The following RGS6 variants were observed in gnomAD, a reference collection of about 807,000 sequenced individuals.
RGS6 encodes the protein regulator of G-protein signaling 6.
RGS6 carries 30 observed loss-of-function variants against 78.5 expected under a neutral mutation model. The observed-to-expected ratio is 0.38, with a 90% CI of 0.29 to 0.52. The LOEUF is 0.52. RGS6 is among the 20% of genes least tolerant of loss of function. The pLI, the probability that RGS6 is intolerant of heterozygous loss-of-function variation, is 0.85. For synonymous variants in RGS6, 206 were observed against 206.0 expected (o/e 1.00, Z 0.00); for missense variants, 495 against 609.7 (o/e 0.81, Z 1.98).
the RGS6 span, among the ~76,000 whole-genome samples, chr14:71,897,632 T>C: frequency 6.6e-6 from 1 of 152,160 alleles, no homozygotes; most frequent in African/African-American, 2.4e-5. Context: ...GTGATTTTCC[T>C]GCCTTAGCCT....
At chr14:72,117,781 A>G (rs2095938440) in intron 2 of RGS6, among the ~76,000 whole-genome samples, 1 of 152,150 alleles carries the variant, frequency 6.6e-6, no homozygotes. Context: ...TAAAAGGACC[A>G]CGCTGGCTAC....
intron 2 of RGS6, among the ~76,000 whole-genome samples, chr14:72,245,654 T>A: frequency 6.6e-6 from 1 of 152,252 alleles, no homozygotes; most frequent in East Asian, 1.9e-4. Flanking sequence ...TTGGGCGTTA[T>A]GGTCATTATG....
intron 2 of RGS6, among the ~76,000 whole-genome samples, chr14:72,209,264 TTTAGTA>T (rs1466233557): frequency 6.6e-6 from 1 of 152,136 alleles, no homozygotes; most frequent in Non-Finnish European, 1.5e-5. Flanking sequence ...TATGCGTACG[TTTAGTA>T]TCTAACAAGA....
At chr14:71,896,630 C>A in the RGS6 span, among the ~76,000 whole-genome samples, 1 of 152,190 alleles carries the variant, frequency 6.6e-6, no homozygotes, top group African/African-American at 2.4e-5. Flanking sequence ...TTTTACCCAG[C>A]CCCTATTCAA....
chr14:72,515,906 AG>A (rs894870362), intron 14 of RGS6: 5 of 152,316 alleles, frequency 3.3e-5, no homozygotes, highest in African/African-American at 1.2e-4. Flanking sequence ...GCATTGATTG[AG>A]GGGGCAGGAA....
intron 2 of RGS6, among the ~76,000 whole-genome samples, chr14:72,271,920 C>CT (rs35019998): frequency 0.15 from 20,185 of 132,740 alleles, 1,655 homozygotes; most frequent in East Asian, 0.3. Context: ...CACAGCATCA[C>CT]TTTTTTTTTT....
chr14:72,612,993 C>CGTGTGTGTGTGTGTGT, the RGS6 span, among the ~76,000 whole-genome samples: 10 of 148,954 alleles, frequency 6.7e-5, no homozygotes, highest in East Asian at 4.1e-4. Context: ...TTAAGTAGGG[C>CGTGTGTGTGTGTGTGT]GTGTGTGTGT....
At chr14:72,336,527 G>GC (rs2076059633) in intron 2 of RGS6, among the ~76,000 whole-genome samples, 1 of 152,116 alleles carries the variant, frequency 6.6e-6, no homozygotes, top group Non-Finnish European at 1.5e-5. Context: ...GAGAGAGAGA[G>GC]AGAGAGAGCG....
chr14:71,892,037 G>A, the RGS6 span, among the ~76,000 whole-genome samples: 20 of 152,210 alleles, frequency 1.3e-4, no homozygotes, highest in Non-Finnish European at 2.8e-4. Context: ...CTCTGAAATA[G>A]CTTTCACATG....
the RGS6 span, among the ~76,000 whole-genome samples, chr14:72,582,639 A>T: frequency 6.6e-6 from 1 of 152,140 alleles, no homozygotes; most frequent in East Asian, 1.9e-4. Context: ...TTCCACCCAG[A>T]CCCATACAAT....
intron 1 of RGS6, among the ~76,000 whole-genome samples, chr14:71,948,738 C>CTA (rs766352167): frequency 1.3e-5 from 1 of 75,238 alleles, no homozygotes; most frequent in Admixed American, 1.6e-4. Flanking sequence ...CTCTCTCTCT[C>CTA]TCTTTTTTTT....
chr14:72,459,968 G>A (rs537805757), intron 6 of RGS6, among the ~76,000 whole-genome samples: 1 of 152,274 alleles, frequency 6.6e-6, no homozygotes, highest in African/African-American at 2.4e-5. Flanking sequence ...GGAGAACCAG[G>A]ATCCCACAGC....
At chr14:72,258,161 C>G (rs2153874164) in intron 2 of RGS6, among the ~76,000 whole-genome samples, 1 of 152,314 alleles carries the variant, frequency 6.6e-6, no homozygotes, top group South Asian at 2.1e-4. Context: ...ACTCATAAAA[C>G]TGCACAATGG....
chr14:72,154,398 C>G (rs2096740347), intron 2 of RGS6, among the ~76,000 whole-genome samples: 2 of 152,138 alleles, frequency 1.3e-5, no homozygotes, highest in African/African-American at 4.8e-5. Context: ...AAAGTAAAGA[C>G]AGGTATGAAT....
rs60173809 is a variant in RGS6, at chr14:72,320,449, G to A, written c.85-31646G>A. ...AAAAATTAGCTGGGCGTGGTGGCGG[G>A]CACCTGTAGTCCCAGCTACTTGGGA... On this transcript the variant is annotated intron_variant, in intron 2 of 17. Transcript: ENST00000553525. Among the ~76,000 whole-genome samples the A allele has an allele frequency of 5.3e-5, 8 of 152,100 alleles. No individual in the cohort carries two copies. In the East Asian group the frequency reaches 1.4e-3, roughly 26 times the overall value.
intron 3 of RGS6, among the ~76,000 whole-genome samples, chr14:72,436,337 T>C (rs373548333): frequency 2.2e-4 from 34 of 152,252 alleles, no homozygotes; most frequent in East Asian, 1.2e-3. Flanking sequence ...CTCTTCTTAA[T>C]AAACTGCAAG....
chr14:72,471,962 T>C (rs543117657), intron 8 of RGS6, among the ~76,000 whole-genome samples: 1 of 152,224 alleles, frequency 6.6e-6, no homozygotes, highest in Non-Finnish European at 1.5e-5. Context: ...ATTTCTCGAT[T>C]AACTTTTTTG....
chr14:72,624,635 G>A, the RGS6 span, among the ~76,000 whole-genome samples: 11 of 152,090 alleles, frequency 7.2e-5, no homozygotes, highest in East Asian at 1.2e-3. Flanking sequence ...CACCACGCCC[G>A]GCCCCCAACC....
At chr14:72,146,270 C>G (rs933504818) in intron 2 of RGS6, among the ~76,000 whole-genome samples, 2 of 152,342 alleles carry the variant, frequency 1.3e-5, no homozygotes, top group Non-Finnish European at 2.9e-5. Context: ...CCTCTCAACA[C>G]TCTTGCATTG....
Sources: gnomAD v4.1 joint callset for allele counts (sites outside exome capture counted in the v4.1 genomes callset) on GRCh38, gnomAD v4.1.1 for gene constraint, MANE v1.5 for transcripts, NCBI Gene and HGNC (gene_info 2026-07-23, HGNC 2026-07-21) for gene names.